The following MAN1C1 variants were observed in gnomAD, a reference collection of about 807,000 sequenced individuals.
MAN1C1 encodes mannosidase alpha class 1C member 1.
In MAN1C1, 49 loss-of-function variants were observed where a neutral mutation model predicts 71.5. The ratio of observed to expected loss-of-function variants is 0.69; its 90% CI spans 0.54 to 0.87. MAN1C1 has a LOEUF of 0.87. Among genes scored for constraint, MAN1C1 ranks in the 40% least tolerant of loss-of-function variants. MAN1C1 has a pLI of 0.00. For synonymous variants in MAN1C1, 352 were observed against 343.7 expected, an observed-to-expected ratio of 1.02 and a Z score of -0.27; for missense variants, 743 against 835.0, an observed-to-expected ratio of 0.89 and a Z score of 1.36.
intron 2 of MAN1C1, among the ~76,000 whole-genome samples, chr1:25,738,468 A>G (rs2047013505): frequency 6.6e-6 from 1 of 152,230 alleles, no homozygotes; most frequent in African/African-American, 2.4e-5. Flanking sequence ...TGCTATTGCT[A>G]CATTGCAAAT....
intron 2 of MAN1C1, among the ~76,000 whole-genome samples, chr1:25,692,404 A>G (rs1204378632): frequency 6.6e-6 from 1 of 152,174 alleles, no homozygotes; most frequent in Non-Finnish European, 1.5e-5. Context: ...ATATTTCTTA[A>G]TTAATTCAGA....
At chr1:25,693,345 G>A (rs1026743298) in intron 2 of MAN1C1, among the ~76,000 whole-genome samples, 8 of 152,156 alleles carry the variant, frequency 5.3e-5, no homozygotes, top group East Asian at 1.9e-4. Flanking sequence ...GAAAATCTGC[G>A]TTGGCTGGGT....
chr1:25,770,460 C>T (rs1249500951), intron 7 of MAN1C1, among the ~76,000 whole-genome samples: 1 of 152,186 alleles, frequency 6.6e-6, no homozygotes, highest in East Asian at 1.9e-4. Context: ...CTTTCTTTCT[C>T]TACGTATCTC....
Position 25,730,755 on chromosome 1 carries a change from G to A in MAN1C1, c.638-15913G>A, listed in dbSNP as rs1262077414. On this transcript the variant is annotated intron_variant, in intron 2 of 11. Coordinates refer to ENST00000374332, the MANE Select transcript of MAN1C1 (RefSeq NM_020379.4). The surrounding 1 kb of genome is among the most constrained non-coding windows in gnomAD (Gnocchi z 4.3). ...CTGTGGGTGGGTGGACAGGGCAAGCGGGGAGGGGGTTCTCCCTGTGTGGGC... is the reference window on the plus strand; with the variant it reads ...CTGTGGGTGGGTGGACAGGGCAAGCAGGGAGGGGGTTCTCCCTGTGTGGGC... Among the ~76,000 whole-genome samples the A allele has an allele frequency of 2.0e-5, 3 of 152,214 alleles. No individual in the cohort carries two copies. Among genetic ancestry groups the A allele is most frequent in the Admixed American group, 6.5e-5 (1 of 15,288 alleles).
At chr1:25,697,774 T>C (rs1395650546) in intron 2 of MAN1C1, among the ~76,000 whole-genome samples, 3 of 152,214 alleles carry the variant, frequency 2.0e-5, no homozygotes, top group East Asian at 3.8e-4. Flanking sequence ...TCATACTGTA[T>C]TGGTATGTTA....
intron 1 of MAN1C1, among the ~76,000 whole-genome samples, chr1:25,685,954 C>T (rs2124177016): frequency 6.6e-6 from 1 of 152,300 alleles, no homozygotes; most frequent in Non-Finnish European, 1.5e-5. Context: ...TGGCTCAATT[C>T]CCAACATTCT....
In MAN1C1 at chr1:25,617,964, C is replaced by A. The variant is rs1362602460; in HGVS notation, c.167C>A (p.Pro56His). The A allele has an allele frequency of 1.2e-6, 2 of 1,608,774 alleles. No homozygotes were observed. Among genetic ancestry groups the A allele is most frequent in the Admixed American group, 1.7e-5 (1 of 59,738 alleles). ...SSRLKRLFLAPRTQQPGLEVV... is the reference protein window; with the variant it reads ...SSRLKRLFLAHRTQQPGLEVV... ...CGCCTCAAGCGCCTCTTCCTGGCCC[C>A]CCGGACCCAGCAGCCTGGTCTGGAA... The change falls in exon 1 of 12, where the codon CCC becomes CAC. Residue 56 changes from proline to histidine, a missense_variant. By Grantham distance (77) the Pro-to-His change is moderately conservative (BLOSUM62 -2). Coordinates refer to ENST00000374332, the MANE Select transcript of MAN1C1 (RefSeq NM_020379.4). The surrounding 1 kb of genome is among the most constrained non-coding windows in gnomAD (Gnocchi z 5.1).
chr1:25,658,265 GA>G (rs2045796780), intron 1 of MAN1C1, among the ~76,000 whole-genome samples: 1 of 152,242 alleles, frequency 6.6e-6, no homozygotes, highest in South Asian at 2.1e-4. Flanking sequence ...TACACAGCTT[GA>G]AAGTGGCAGT....
At chr1:25,749,418 C>A in intron 4 of MAN1C1, 83 bp downstream of exon 4, 1 of 1,242,448 alleles carries the variant, frequency 8.0e-7, no homozygotes, top group Non-Finnish European at 1.1e-6. Flanking sequence ...CTCATGCCAT[C>A]CATGGGAAAA....
Position 25,771,653 on chromosome 1 carries a change from A to C in MAN1C1, c.1142-4A>C. 2 of 1,608,140 alleles carry C rather than the reference A, an allele frequency of 1.2e-6. No homozygotes were observed. The highest frequency in any genetic ancestry group is 1.1e-5 in the South Asian group (1 of 90,950). On this transcript the variant is annotated splice_region_variant and splice_polypyrimidine_tract_variant and intron_variant, in intron 7 of 11. Coordinates refer to ENST00000374332, the MANE Select transcript of MAN1C1 (RefSeq NM_020379.4). ...TAATGTTCTTGTCCTCTTTCCCTTC[A>C]CAGACCATGTCTCAGTTGGAGGACT... is the stretch of plus-strand genomic sequence containing the variant.
chr1:25,654,769 C>G (rs1335655438), intron 1 of MAN1C1, among the ~76,000 whole-genome samples: 1 of 152,104 alleles, frequency 6.6e-6, no homozygotes, highest in African/African-American at 2.4e-5. Context: ...GCCTCAGCCT[C>G]CCGAGTAGCT....
At chr1:25,780,726 C>G in intron 9 of MAN1C1, 1 of 534,352 alleles carries the variant, frequency 1.9e-6, no homozygotes, top group Non-Finnish European at 3.4e-6. Context: ...TTTCCAGTCC[C>G]CGAGGGTCTT....
In MAN1C1 at chr1:25,626,766, C is replaced by T. The variant is rs192767590; in HGVS notation, c.540+8429C>T. The stretch of plus-strand genomic sequence containing the variant: ...ACTGTCTTATTGAATTGCAAGAATG[C>T]TTCATATATTCTAGATACAAGTTCT... On this transcript the variant is annotated intron_variant, in intron 1 of 11. Transcript: ENST00000374332. Among the ~76,000 whole-genome samples, 45 of 152,232 alleles carry T rather than the reference C, an allele frequency of 3.0e-4. No homozygotes were observed. In the East Asian group the frequency reaches 8.1e-3, roughly 27 times the overall value.
chr1:25,638,186 A>G (rs11247911), intron 1 of MAN1C1, among the ~76,000 whole-genome samples: 13,618 of 152,174 alleles, frequency 0.089, 1,351 homozygotes, highest in East Asian at 0.22. Flanking sequence ...ATACGCATAC[A>G]CACACAGAGA....
intron 1 of MAN1C1, among the ~76,000 whole-genome samples, chr1:25,681,107 T>C (rs2046145430): frequency 6.6e-6 from 1 of 151,158 alleles, no homozygotes; most frequent in East Asian, 1.9e-4. Flanking sequence ...ATACCTGTAA[T>C]CCCAGCTACT....
intron 5 of MAN1C1, among the ~76,000 whole-genome samples, chr1:25,755,055 G>A (rs759676073): frequency 1.3e-5 from 2 of 152,162 alleles, no homozygotes; most frequent in Admixed American, 6.5e-5. Context: ...TGTTGCACCT[G>A]CCCCCGGCAG....
At chr1:25,749,821 CA>C (rs2047190710) in intron 4 of MAN1C1, among the ~76,000 whole-genome samples, 1 of 152,236 alleles carries the variant, frequency 6.6e-6, no homozygotes, top group Non-Finnish European at 1.5e-5. Context: ...CCAAGACCCC[CA>C]GGCCTTGTCC....
rs1391111681 is a variant in MAN1C1 at position 25,769,925 on chromosome 1, C to T, written c.1142-1732C>T. Among the ~76,000 whole-genome samples, 1 of 152,196 alleles carries T rather than the reference C, an allele frequency of 6.6e-6. No individual in the cohort carries two copies. Among genetic ancestry groups the T allele is most frequent in the Non-Finnish European group, 1.5e-5 (1 of 68,032 alleles). On this transcript the variant is annotated intron_variant, in intron 7 of 11. Coordinates refer to ENST00000374332, the MANE Select transcript of MAN1C1 (RefSeq NM_020379.4). This position sits in a 1 kb window ranked among gnomAD's most constrained non-coding sequence, Gnocchi z 4.8. ...CCCGTGGCCACCCTATGGGGAGGGA[C>T]CGGGAGCAGGCTTGTGAGAATGCCT...
intron 2 of MAN1C1, among the ~76,000 whole-genome samples, chr1:25,705,778 A>C (rs1344455558): frequency 6.6e-6 from 1 of 152,224 alleles, no homozygotes; most frequent in Non-Finnish European, 1.5e-5. Flanking sequence ...CCCTGTCTCT[A>C]CAAGAAATTT....
Sources: allele counts gnomAD v4.1 joint callset (sites outside exome capture counted in the v4.1 genomes callset), GRCh38; gene constraint gnomAD v4.1.1; non-coding constraint Gnocchi (gnomAD v3.1); transcripts MANE v1.5; gene names NCBI Gene and HGNC (gene_info 2026-07-23, HGNC 2026-07-21).